RIN3: variants seen among roughly 807,000 people sequenced by gnomAD.
RIN3 encodes the protein RAB5 interacting protein 3.
RIN3 carries 54 observed loss-of-function variants against 76.3 expected under a neutral mutation model. That is an observed-to-expected ratio of 0.71 (90% CI 0.57 to 0.89). The LOEUF is 0.89. RIN3 is among the 40% of genes least tolerant of loss of function. RIN3 has a pLI of 0.00. For missense variants in RIN3, 1,256 were observed against 1,322.1 expected (o/e 0.95, Z 0.78); for synonymous variants, 576 against 564.0 (o/e 1.02, Z -0.30).
intron 1 of RIN3, among the ~76,000 whole-genome samples, chr14:92,545,079 T>TA (rs1281107818): frequency 6.6e-6 from 1 of 151,452 alleles, no homozygotes; most frequent in East Asian, 1.9e-4. Flanking sequence ...GATTGCTTTT[T>TA]AAAACGTTTT....
At chr14:92,687,797 C>A in intron 9 of RIN3, 129 bp from the exon 10 acceptor site, 1 of 798,814 alleles carries the variant, frequency 1.3e-6, no homozygotes, top group Non-Finnish European at 1.9e-6. Context: ...GGGAAAGGCG[C>A]AGGTGCCGGA....
chr14:92,555,623 T>C (rs938693329), intron 1 of RIN3, 128 bp from the exon 2 acceptor site: 23 of 857,096 alleles, frequency 2.7e-5, no homozygotes, highest in Admixed American at 4.7e-5. Flanking sequence ...GATTTTTTTT[T>C]AATTCCCCAA....
intron 1 of RIN3, among the ~76,000 whole-genome samples, chr14:92,528,187 C>A (rs1459445726): frequency 1.3e-5 from 2 of 152,148 alleles, no homozygotes; most frequent in Admixed American, 6.5e-5. Flanking sequence ...GTGAATGGAG[C>A]CTGGCAGGAG....
In RIN3 at chr14:92,555,928, C is replaced by T. The variant is rs1168675763; in HGVS notation, c.222C>T (p.Ala74=). 1.4e-5 allele frequency: 23 copies of T among 1,612,936 alleles called. No homozygotes were observed. Among genetic ancestry groups the T allele is most frequent in the African/African-American group, 2.7e-5 (2 of 74,886 alleles). Residue 74 remains alanine (A), a synonymous_variant, in exon 2 of 10, where the codon GCC becomes GCT. Coordinates refer to ENST00000216487, the MANE Select transcript of RIN3 (RefSeq NM_024832.5). Reference sequence around the variant, plus strand: ...TGAGTCTGGGCCAGGCAGAGGTGGCCAGGATCCTGCACCGGGTGGTGGCTG... The same window carrying T: ...TGAGTCTGGGCCAGGCAGAGGTGGCTAGGATCCTGCACCGGGTGGTGGCTG... ...LQLSLGQAEV[A]RILHRVVAGM...
chr14:92,688,288 C>T lies in RIN3; in HGVS notation c.*36C>T. 6.7e-7 allele frequency: 1 copy of T among 1,485,766 alleles called. No individual in the cohort carries two copies. Among genetic ancestry groups the T allele is most frequent in the Non-Finnish European group, 9.0e-7 (1 of 1,115,614 alleles). 92.0% of individuals were successfully genotyped at this position (1,485,766 alleles called of 1,614,324 possible). A position where few individuals can be genotyped will look rare whatever the true frequency, so the allele number is the denominator to read the frequency against. ...GGGCGCCTCCCCTCACCCCCAGGCG[C>T]ACGTCTGGCCCCGCCTCTGGCTGCG... On this transcript the variant is annotated 3_prime_UTR_variant, in exon 10 of 10. Transcript: ENST00000216487.
At chr14:92,537,634 C>CTTTTTTTTTTTTTTTTTTTTTTTTTTTTT (rs576683908) in intron 1 of RIN3, among the ~76,000 whole-genome samples, 2 of 51,628 alleles carry the variant, frequency 3.9e-5, no homozygotes, top group East Asian at 7.9e-4. Context: ...GCCTTAGGGA[C>CTTTTTTTTTTTTTTTTTTTTTTTTTTTTT]TTTTTTTTTT....
At chr14:92,677,614 C>T (rs186543172) in intron 8 of RIN3, among the ~76,000 whole-genome samples, 5 of 152,120 alleles carry the variant, frequency 3.3e-5, no homozygotes, top group African/African-American at 1.2e-4. Flanking sequence ...TCTGTATCTA[C>T]CTTTTTTTTT....
intron 3 of RIN3, among the ~76,000 whole-genome samples, chr14:92,578,226 A>C (rs1284297620): frequency 6.7e-6 from 1 of 149,848 alleles, no homozygotes; most frequent in Non-Finnish European, 1.5e-5. Context: ...ACAGAGGGAG[A>C]TCTGGCCTAA....
intron 7 of RIN3, among the ~76,000 whole-genome samples, chr14:92,661,318 C>T (rs933435706): frequency 1.3e-5 from 2 of 152,204 alleles, no homozygotes; most frequent in Non-Finnish European, 2.9e-5. Flanking sequence ...GGTATGGTGC[C>T]AGATCCCCTC....
chr14:92,595,912 T>C (rs919450309), intron 3 of RIN3, among the ~76,000 whole-genome samples: 1 of 152,226 alleles, frequency 6.6e-6, no homozygotes, highest in African/African-American at 2.4e-5. Context: ...CCAGCTTCTT[T>C]CTGCCTAAAC....
chr14:92,676,747 C>G, intron 8 of RIN3, 141 bp downstream of exon 8: 1 of 880,700 alleles, frequency 1.1e-6, no homozygotes, highest in African/African-American at 1.7e-5. Context: ...AAATGTGAAT[C>G]CTACACAGGT....
intron 3 of RIN3, among the ~76,000 whole-genome samples, chr14:92,601,723 G>A (rs117210731): frequency 2.6e-5 from 4 of 152,238 alleles, no homozygotes; most frequent in East Asian, 1.9e-4. Context: ...TCTTTCCAGG[G>A]TGGCACCTTT....
At chr14:92,614,121 C>T (rs1437533158) in intron 3 of RIN3, among the ~76,000 whole-genome samples, 1 of 152,246 alleles carries the variant, frequency 6.6e-6, no homozygotes, top group Non-Finnish European at 1.5e-5. Context: ...CCTGCCCCTC[C>T]GAGGAGCCCC....
chr14:92,555,532 A>G (rs1055498407), intron 1 of RIN3, among the ~76,000 whole-genome samples: 9 of 152,128 alleles, frequency 5.9e-5, no homozygotes, highest in Non-Finnish European at 7.4e-5. Context: ...GAGGAACAAC[A>G]TCTCGGAGCC....
intron 3 of RIN3, among the ~76,000 whole-genome samples, chr14:92,611,615 T>C (rs932848955): frequency 6.6e-6 from 1 of 152,216 alleles, no homozygotes; most frequent in Non-Finnish European, 1.5e-5. Flanking sequence ...TAATGCAGTA[T>C]GAGGTCAGCT....
intron 4 of RIN3, among the ~76,000 whole-genome samples, chr14:92,620,937 C>T (rs376830848): frequency 2.0e-5 from 3 of 152,160 alleles, no homozygotes; most frequent in Non-Finnish European, 4.4e-5. Flanking sequence ...GCAATGCAAG[C>T]ATGTATGTGA....
intron 3 of RIN3, among the ~76,000 whole-genome samples, chr14:92,600,975 C>G (rs1298484982): frequency 6.6e-6 from 1 of 152,162 alleles, no homozygotes; most frequent in Non-Finnish European, 1.5e-5. Flanking sequence ...GGCTGTGCCA[C>G]CCAGTATGGT....
chr14:92,519,558 GACCGT>G (rs1566824380), intron 1 of RIN3, among the ~76,000 whole-genome samples: 4 of 152,190 alleles, frequency 2.6e-5, no homozygotes, highest in African/African-American at 9.7e-5. Flanking sequence ...GCTGTTTAGA[GACCGT>G]CTGTGAAGCC....
intron 2 of RIN3, among the ~76,000 whole-genome samples, chr14:92,572,465 A>G (rs1898088012): frequency 6.6e-6 from 1 of 151,948 alleles, no homozygotes; most frequent in Non-Finnish European, 1.5e-5. Flanking sequence ...CTCTTGGGAG[A>G]CTGTGTTTCC....
Sources: allele counts gnomAD v4.1 joint callset (sites outside exome capture counted in the v4.1 genomes callset), GRCh38; gene constraint gnomAD v4.1.1; transcripts MANE v1.5; gene names NCBI Gene and HGNC (gene_info 2026-07-23, HGNC 2026-07-21).